The following BIRC6 variants were observed in gnomAD, a reference collection of about 807,000 sequenced individuals.
BIRC6 encodes the protein baculoviral IAP repeat containing 6.
BIRC6 carries 98 observed loss-of-function variants against 503.3 expected under a neutral mutation model. The ratio of observed to expected loss-of-function variants is 0.19; its 90% confidence interval spans 0.17 to 0.23. The LOEUF is 0.23. Among genes scored for constraint, BIRC6 ranks in the 10% least tolerant of loss-of-function variants. The pLI is 1.00. For synonymous variants in BIRC6, 2,240 were observed against 2,078.7 expected, an observed-to-expected ratio of 1.08 and a Z score of -2.11; for missense variants, 5,360 against 5,806.0, an observed-to-expected ratio of 0.92 and a Z score of 2.50.
intron 9 of BIRC6, among the ~76,000 whole-genome samples, chr2:32,413,493 A>G (rs1021497063): frequency 1.3e-5 from 2 of 151,692 alleles, no homozygotes; most frequent in Non-Finnish European, 2.9e-5. Context: ...AATTTTTTGT[A>G]TTTTTAGTAG....
At chr2:32,533,107 A>G (rs1024449266) in intron 61 of BIRC6, among the ~76,000 whole-genome samples, 47 of 152,234 alleles carry the variant, frequency 3.1e-4, no homozygotes, top group African/African-American at 1.1e-3. Context: ...CTTAGAGAAT[A>G]TCTGAATTGT....
intron 21 of BIRC6, among the ~76,000 whole-genome samples, chr2:32,448,450 A>C (rs1205861738): frequency 3.3e-5 from 5 of 151,442 alleles, no homozygotes; most frequent in Non-Finnish European, 5.9e-5. Context: ...GGAGCTGGAG[A>C]CCAGCCCGGC....
intron 66 of BIRC6, chr2:32,590,935 G>T: frequency 5.1e-6 from 5 of 985,862 alleles, no homozygotes; most frequent in Non-Finnish European, 4.8e-6. Flanking sequence ...TAGGTGCCTT[G>T]AACTCAAATA....
At chr2:32,601,803 G>A (rs573517874) in intron 70 of BIRC6, among the ~76,000 whole-genome samples, 1 of 152,204 alleles carries the variant, frequency 6.6e-6, no homozygotes, top group East Asian at 1.9e-4. Flanking sequence ...AGTATCTAAT[G>A]TTATCTTTAA....
chr2:32,472,690 A>G (rs1032819800), intron 32 of BIRC6, among the ~76,000 whole-genome samples: 1 of 152,224 alleles, frequency 6.6e-6, no homozygotes, highest in Non-Finnish European at 1.5e-5. Flanking sequence ...GTTCTGAACT[A>G]TTTAACCTTA....
chr2:32,564,001 C>G (rs1200668722), intron 65 of BIRC6: 4 of 152,368 alleles, frequency 2.6e-5, no homozygotes, highest in Admixed American at 2.6e-4. Flanking sequence ...TCGCTTGAAC[C>G]CGGGAGGCGG....
At position 32,549,297 on chromosome 2, in the gene BIRC6, T is replaced by A. The variant is rs1262882256; in HGVS notation, c.12976-16T>A. Reference sequence around the variant, plus strand: ...TATGTGAAACTGAAATCCAAATTAATTTCAACAATTTTTAGGTTCTTGCCA... The same window carrying A: ...TATGTGAAACTGAAATCCAAATTAAATTCAACAATTTTTAGGTTCTTGCCA... On this transcript the variant is annotated splice_polypyrimidine_tract_variant and intron_variant, in intron 64 of 73. Coordinates refer to ENST00000421745, the MANE Select transcript of BIRC6 (RefSeq NM_016252.4). The A allele has an allele frequency of 7.0e-7, 1 of 1,422,512 alleles. No individual in the cohort carries two copies. The highest frequency in any genetic ancestry group is 2.0e-4 in the Middle Eastern group (1 of 5,102). The allele number at this position is 1,422,512 out of a possible 1,614,324, so 88.1% of individuals were successfully genotyped here. A position where few individuals can be genotyped will look rare whatever the true frequency, so the allele number is the denominator to read the frequency against.
At chr2:32,447,375 CG>C (rs1156446099) in intron 21 of BIRC6, among the ~76,000 whole-genome samples, 2 of 148,326 alleles carry the variant, frequency 1.3e-5, no homozygotes, top group Admixed American at 6.7e-5. Context: ...GCTGGCCGGG[CG>C]GGGGGCTGAT....
At chr2:32,501,667 G>A (rs1242021176) in intron 46 of BIRC6, 46 bp from the exon 47 acceptor site, 1 of 1,527,444 alleles carries the variant, frequency 6.5e-7, no homozygotes, top group Non-Finnish European at 8.8e-7. Flanking sequence ...CACTGCGCCT[G>A]GCTGGATATA....
intron 66 of BIRC6, among the ~76,000 whole-genome samples, chr2:32,577,041 C>G (rs1224363626): frequency 6.6e-6 from 1 of 152,024 alleles, no homozygotes; most frequent in Non-Finnish European, 1.5e-5. Context: ...CAGAATCTTT[C>G]TCACTGGTAA....
At chr2:32,505,378 G>A in intron 50 of BIRC6, 173 bp downstream of exon 50, 3 of 587,510 alleles carry the variant, frequency 5.1e-6, no homozygotes, top group Middle Eastern at 4.6e-4. Flanking sequence ...TAGGAGAAAT[G>A]ACTGTTAACC....
At chr2:32,559,050 C>T (rs1323368794) in intron 65 of BIRC6, among the ~76,000 whole-genome samples, 1 of 152,046 alleles carries the variant, frequency 6.6e-6, no homozygotes, top group African/African-American at 2.4e-5. Context: ...AGATACTTTT[C>T]CCCATTGAAA....
At chr2:32,460,399 C>G (rs971306468) in intron 23 of BIRC6, among the ~76,000 whole-genome samples, 4 of 149,442 alleles carry the variant, frequency 2.7e-5, no homozygotes, top group Non-Finnish European at 5.9e-5. Context: ...GCCTCAGCCT[C>G]CCCAGTACCT....
rs1161361863 is a variant in BIRC6 at position 32,357,572 on chromosome 2, G to A, written c.325+86G>A. On this transcript the variant is annotated intron_variant, in intron 1 of 73. Transcript: ENST00000421745. The surrounding 1 kb of genome is among the most constrained non-coding windows in gnomAD (Gnocchi z 4.9). ...GCTCGGCCTCGCGACTCGGGGAAGC[G>A]AGATGGCGAGAGGGCAGGGCTGGGG... 2.7e-6 allele frequency: 4 copies of A among 1,499,464 alleles called. No individual in the cohort carries two copies. Among genetic ancestry groups the A allele is most frequent in the Non-Finnish European group, 1.8e-6 (2 of 1,130,088 alleles). 92.9% of individuals were successfully genotyped at this position (1,499,464 alleles called of 1,614,324 possible).
chr2:32,456,315 G>A (rs967462922), intron 23 of BIRC6, among the ~76,000 whole-genome samples: 11 of 152,066 alleles, frequency 7.2e-5, no homozygotes, highest in African/African-American at 2.7e-4. Context: ...TATGATTATG[G>A]CATTAATCTA....
At chr2:32,608,720 C>A (rs1350536764) in intron 72 of BIRC6, among the ~76,000 whole-genome samples, 1 of 151,806 alleles carries the variant, frequency 6.6e-6, no homozygotes, top group South Asian at 2.1e-4. Flanking sequence ...CCGGCCTATT[C>A]TTTATTTTTA....
intron 45 of BIRC6, among the ~76,000 whole-genome samples, chr2:32,498,033 T>C (rs2149421905): frequency 6.6e-6 from 1 of 152,284 alleles, no homozygotes; most frequent in Non-Finnish European, 1.5e-5. Flanking sequence ...TTAAAATAAT[T>C]TCATTTCCAT....
At chr2:32,512,768 G>C (rs1466868211) in intron 53 of BIRC6, among the ~76,000 whole-genome samples, 165 bp from the exon 54 acceptor site, 1 of 152,076 alleles carries the variant, frequency 6.6e-6, no homozygotes, top group African/African-American at 2.4e-5. Flanking sequence ...TGTCTTTGTT[G>C]CCGAGAGATT....
chr2:32,463,439 G>T, intron 24 of BIRC6, 58 bp downstream of exon 24: 1 of 1,457,266 alleles, frequency 6.9e-7, no homozygotes, highest in Non-Finnish European at 9.1e-7. Context: ...AGCTGAAAAA[G>T]TACTTTAAAA....
Sources: allele counts gnomAD v4.1 joint callset (sites outside exome capture counted in the v4.1 genomes callset), GRCh38; gene constraint gnomAD v4.1.1; non-coding constraint Gnocchi (gnomAD v3.1); transcripts MANE v1.5; gene names NCBI Gene and HGNC (gene_info 2026-07-23, HGNC 2026-07-21).